ZNF334: variants seen among roughly 807,000 people sequenced by gnomAD.
ZNF334 encodes zinc finger protein 334.
Under a neutral mutation model 12.4 loss-of-function variants are expected in ZNF334, and 14 were observed. The observed-to-expected ratio is 1.13, with a 90% CI of 0.74 to 1.76. ZNF334 has a LOEUF of 1.76. ZNF334 is among the 40% of genes most tolerant of loss of function. The pLI is 0.00. For missense variants in ZNF334, 797 were observed against 804.5 expected (o/e 0.99, Z 0.11); for synonymous variants, 273 against 269.6 (o/e 1.01, Z -0.12).
Position 46,509,633 on chromosome 20 carries a change from T to C in ZNF334, c.21+2449A>G, listed in dbSNP as rs183073403. ...CTTCTCATTTTCCATTTCCCTTCAT[T>C]CAAGGTTCACCCACGGTGAGTTAAC... On this transcript the variant is annotated intron_variant, in intron 2 of 4. Coordinates refer to ENST00000692313, the MANE Select transcript of ZNF334 (RefSeq NM_001353824.2). 4 of 702,994 alleles carry C rather than the reference T, an allele frequency of 5.7e-6. No homozygotes were observed. In the East Asian group the frequency reaches 1.1e-4, roughly 19 times the overall value. 43.5% of individuals were successfully genotyped at this position (702,994 alleles called of 1,614,324 possible). A position where few individuals can be genotyped will look rare whatever the true frequency, so the allele number is the denominator to read the frequency against.
chr20:46,489,348 A>G, the ZNF334 span, among the ~76,000 whole-genome samples: 13 of 152,242 alleles, frequency 8.5e-5, no homozygotes, highest in Middle Eastern at 6.8e-3. Flanking sequence ...TAATTTTGCT[A>G]TAAATGCCAA....
chr20:46,464,079 C>A, the ZNF334 span: 1 of 618,072 alleles, frequency 1.6e-6, no homozygotes. Context: ...CAATGAGCTC[C>A]GAGAAGTGGT....
chr20:46,489,895 A>G, the ZNF334 span, among the ~76,000 whole-genome samples: 1 of 152,094 alleles, frequency 6.6e-6, no homozygotes, highest in Non-Finnish European at 1.5e-5. Flanking sequence ...TCAGTGGCAG[A>G]TTTTTTTGTC....
downstream of ZNF334, among the ~76,000 whole-genome samples, chr20:46,494,908 G>A (rs1040488724): frequency 6.6e-6 from 1 of 152,082 alleles, no homozygotes; most frequent in Non-Finnish European, 1.5e-5. Context: ...TTTCCTAGGC[G>A]CTGTCACTAA....
At chr20:46,462,744 C>A in the ZNF334 span, among the ~76,000 whole-genome samples, 1 of 152,150 alleles carries the variant, frequency 6.6e-6, no homozygotes, top group African/African-American at 2.4e-5. Flanking sequence ...CTGCTTTGTC[C>A]TTTAAAATCT....
chr20:46,469,815 C>T, the ZNF334 span, among the ~76,000 whole-genome samples: 1 of 152,112 alleles, frequency 6.6e-6, no homozygotes, highest in African/African-American at 2.4e-5. Context: ...ATGACCTTGG[C>T]TCATTGGCTC....
At chr20:46,509,468 G>T (rs2061562649) in intron 2 of ZNF334, 1 of 668,750 alleles carries the variant, frequency 1.5e-6, no homozygotes, top group Admixed American at 2.1e-5. Context: ...GCCCCAAAGA[G>T]GGGCAAGTTT....
chr20:46,508,629 T>C (rs983934875), intron 2 of ZNF334, among the ~76,000 whole-genome samples: 1 of 152,214 alleles, frequency 6.6e-6, no homozygotes, highest in African/African-American at 2.4e-5. Context: ...ATCAGGGGCA[T>C]GTGGCACATC....
At chr20:46,495,228 G>A (rs528461777), downstream of ZNF334, among the ~76,000 whole-genome samples, 5 of 151,864 alleles carry the variant, frequency 3.3e-5, no homozygotes, top group East Asian at 9.7e-4. Context: ...AAATCTAACA[G>A]AGCGTTTGTG....
chr20:46,504,886 C>T, intron 2 of ZNF334, 146 bp from the exon 3 acceptor site: 2 of 613,908 alleles, frequency 3.3e-6, no homozygotes. Context: ...AAAAATCTGT[C>T]ACTGTGTTCA....
At chr20:46,479,064 T>C in the ZNF334 span, among the ~76,000 whole-genome samples, 1 of 152,140 alleles carries the variant, frequency 6.6e-6, no homozygotes, top group Admixed American at 6.5e-5. Flanking sequence ...GCAAACTTAG[T>C]GGCTCAAAAT....
At chr20:46,471,478 A>T in the ZNF334 span, among the ~76,000 whole-genome samples, 1 of 152,170 alleles carries the variant, frequency 6.6e-6, no homozygotes, top group Admixed American at 6.5e-5. Flanking sequence ...CAAATTTATC[A>T]ATCTTTTCCT....
At chr20:46,470,638 C>G in the ZNF334 span, among the ~76,000 whole-genome samples, 1 of 152,190 alleles carries the variant, frequency 6.6e-6, no homozygotes, top group Non-Finnish European at 1.5e-5. Flanking sequence ...ACTTTAACCA[C>G]CCAAGCATGC....
In ZNF334 at chr20:46,501,457, A is replaced by G. The variant is rs1428737051; in HGVS notation, c.1882T>C (p.Tyr628His). 14 of 1,614,082 alleles carry G rather than the reference A, an allele frequency of 8.7e-6. No homozygotes were observed. The highest frequency in any genetic ancestry group is 1.1e-5 in the Non-Finnish European group (13 of 1,179,996). ...GTTTTCCCACATTGATTACATTCAT[A>G]TGGTTTCTCTCCTGTGTGAATTCTT... ...HRRIHTGEKP[Y>H]ECNQCGKTYR... The change falls in exon 5 of 5, where the codon TAT becomes CAT. Residue 628 changes from tyrosine (Y) to histidine (H), a missense_variant. Transcript: ENST00000692313.
At chr20:46,499,173 C>CAA (rs61489091), downstream of ZNF334, among the ~76,000 whole-genome samples, 21 of 59,762 alleles carry the variant, frequency 3.5e-4, no homozygotes, top group South Asian at 1.1e-3. Context: ...GACTCCGTCT[C>CAA]AAAAAAAAAA....
At chr20:46,509,631 A>C (rs1252753283) in intron 2 of ZNF334, 2 of 703,018 alleles carry the variant, frequency 2.8e-6, no homozygotes, top group Non-Finnish European at 5.2e-6. Context: ...ATTTCCCTTC[A>C]TTCAAGGTTC....
rs1165940558 is a variant in ZNF334 at position 46,512,820 on chromosome 20, T to A, written c.-319A>T. ...TATTTACTAAGTCGTAATTTTAATA[T>A]AAGATAAATTGGTTTTTAGTCTTTC... On this transcript the variant is annotated 5_prime_UTR_variant, in exon 1 of 5. Transcript: ENST00000692313. 1 of 152,224 alleles carries A rather than the reference T, an allele frequency of 6.6e-6. No homozygotes were observed. The highest frequency in any genetic ancestry group is 1.5e-5 in the Non-Finnish European group (1 of 68,042). 9.4% of individuals were successfully genotyped at this position (152,224 alleles called of 1,614,324 possible).
chr20:46,496,845 G>T (rs1315698329), downstream of ZNF334: 2 of 152,190 alleles, frequency 1.3e-5, no homozygotes, highest in Non-Finnish European at 2.9e-5. Context: ...AACCTCTGTA[G>T]GACACCCACA....
chr20:46,464,524 C>T, the ZNF334 span: 8 of 460,484 alleles, frequency 1.7e-5, no homozygotes, highest in Non-Finnish European at 3.0e-5. Context: ...ATGAGAGCTC[C>T]GTTTCCTTCT....
Sources: gnomAD v4.1 joint callset for allele counts (sites outside exome capture counted in the v4.1 genomes callset) on GRCh38, gnomAD v4.1.1 for gene constraint, MANE v1.5 for transcripts, NCBI Gene and HGNC (gene_info 2026-07-23, HGNC 2026-07-21) for gene names.